Variants in STEAP1B observed in about 807,000 individuals in gnomAD.
STEAP1B encodes the protein STEAP family member 1B.
STEAP1B carries 13 observed loss-of-function variants against 27.9 expected under a neutral mutation model. The ratio of observed to expected loss-of-function variants is 0.47; its 90% CI spans 0.30 to 0.74. The LOEUF (loss-of-function observed/expected upper bound fraction) is 0.74, where lower values mean the gene tolerates loss of function less well. Among genes scored for constraint, STEAP1B ranks in the 30% least tolerant of loss-of-function variants. The probability of loss-of-function intolerance (pLI) is 0.06; values close to 1 mark genes in which losing one functional copy is unlikely to be tolerated. For missense variants in STEAP1B, 250 were observed against 298.7 expected (o/e 0.84, Z 1.20); for synonymous variants, 86 against 107.1 (o/e 0.80, Z 1.22).
intron 4 of STEAP1B, among the ~76,000 whole-genome samples, chr7:22,428,303 G>C (rs921432844): frequency 2.5e-4 from 38 of 152,218 alleles, no homozygotes; most frequent in African/African-American, 8.7e-4. Context: ...AAATAGACAA[G>C]TTCCCCAAAA....
At chr7:22,432,845 A>G (rs527453997) in intron 4 of STEAP1B, among the ~76,000 whole-genome samples, 1 of 152,206 alleles carries the variant, frequency 6.6e-6, no homozygotes, top group Non-Finnish European at 1.5e-5. Flanking sequence ...TACGGATTAC[A>G]TAGGTAAGCA....
chr7:22,469,175 C>G (rs1055004364), intron 4 of STEAP1B, among the ~76,000 whole-genome samples: 1 of 151,776 alleles, frequency 6.6e-6, no homozygotes, highest in Non-Finnish European at 1.5e-5. Context: ...CTGTGTAGGC[C>G]TAGGCCTATG....
chr7:22,430,426 G>T (rs531052893), intron 4 of STEAP1B, among the ~76,000 whole-genome samples: 13 of 152,158 alleles, frequency 8.5e-5, no homozygotes, highest in Admixed American at 1.3e-4. Flanking sequence ...TTAATCTTAC[G>T]ACTGAGGCAA....
In STEAP1B at chr7:22,443,189, C is replaced by T. The variant is rs1286383864; in HGVS notation, c.763-23353G>A. Among the ~76,000 whole-genome samples, 12 of 152,352 alleles carry T rather than the reference C, an allele frequency of 7.9e-5. No individual in the cohort carries two copies. The South Asian group carries it at 2.1e-3, about 26-fold the overall frequency. Reference sequence around the variant, plus strand: ...TGGAACAACTCTGTTCTACCATCTGCTTCTTGCAGGACCCAAACTGACATG... The same window carrying T: ...TGGAACAACTCTGTTCTACCATCTGTTTCTTGCAGGACCCAAACTGACATG... On this transcript the variant is annotated intron_variant, in intron 4 of 4. Transcript: ENST00000678116.
chr7:22,452,307 A>C (rs1448770295), intron 4 of STEAP1B, among the ~76,000 whole-genome samples: 1 of 152,104 alleles, frequency 6.6e-6, no homozygotes, highest in Non-Finnish European at 1.5e-5. Flanking sequence ...AACGCTCCTG[A>C]GACCCTCCAC....
chr7:22,446,094 G>T (rs1785405672), intron 4 of STEAP1B, among the ~76,000 whole-genome samples: 1 of 152,258 alleles, frequency 6.6e-6, no homozygotes, highest in African/African-American at 2.4e-5. Flanking sequence ...CTGCTGTGCA[G>T]TTGTCGTTCA....
intron 4 of STEAP1B, among the ~76,000 whole-genome samples, chr7:22,487,980 C>T (rs573258814): frequency 2.4e-4 from 36 of 152,208 alleles, no homozygotes; most frequent in Middle Eastern, 3.4e-3. Context: ...CCATCCACCC[C>T]ATAATAAAGG....
chr7:22,421,083 A>G (rs1030195625), intron 4 of STEAP1B, among the ~76,000 whole-genome samples: 1 of 152,216 alleles, frequency 6.6e-6, no homozygotes, highest in East Asian at 1.9e-4. Flanking sequence ...ATCCAACATC[A>G]GTTATGTCTG....
intron 4 of STEAP1B, among the ~76,000 whole-genome samples, chr7:22,420,224 A>G (rs933800898): frequency 3.0e-4 from 45 of 152,348 alleles, no homozygotes; most frequent in African/African-American, 9.9e-4. Context: ...TTGGGTAACA[A>G]AAGGATCTTT....
At chr7:22,496,188 G>GAA (rs60940096) in intron 1 of STEAP1B, among the ~76,000 whole-genome samples, 4 of 151,824 alleles carry the variant, frequency 2.6e-5, no homozygotes, top group South Asian at 2.1e-4. Context: ...AGTCTAAAAA[G>GAA]AAAAAAAATT....
At chr7:22,432,380 TA>T (rs1262270624) in intron 4 of STEAP1B, among the ~76,000 whole-genome samples, 1 of 104,808 alleles carries the variant, frequency 9.5e-6, no homozygotes, top group African/African-American at 3.2e-5. Flanking sequence ...ACCTAATAAA[TA>T]AATAAATAAA....
At chr7:22,499,929 C>G (rs1786507044) in intron 1 of STEAP1B, among the ~76,000 whole-genome samples, 185 bp downstream of exon 1, 1 of 152,238 alleles carries the variant, frequency 6.6e-6, no homozygotes, top group South Asian at 2.1e-4. Context: ...AGACAGGGCG[C>G]CCCAGAGCCG....
intron 4 of STEAP1B, among the ~76,000 whole-genome samples, chr7:22,463,621 G>A (rs1410356572): frequency 6.6e-6 from 1 of 152,098 alleles, no homozygotes; most frequent in Non-Finnish European, 1.5e-5. Context: ...TAGATCAATG[G>A]AACAAAACAG....
At chr7:22,427,600 G>A (rs2686490) in intron 4 of STEAP1B, among the ~76,000 whole-genome samples, 12 of 152,166 alleles carry the variant, frequency 7.9e-5, no homozygotes, top group Admixed American at 7.2e-4. Context: ...ATCTAAAGCC[G>A]TAAAAGGCTC....
rs770332010 is a variant in STEAP1B at position 22,493,732 on chromosome 7, G to A, written c.189C>T (p.His63=). 118 of 1,613,804 alleles carry A rather than the reference G, an allele frequency of 7.3e-5. No individual in the cohort carries two copies. Among genetic ancestry groups the A allele is most frequent in the Non-Finnish European group, 8.7e-5 (103 of 1,179,866 alleles). The stretch of plus-strand genomic sequence containing the variant: ...GCCACTGTGGAAAGAGTTCCTGTGC[G>A]TGCTGAAGTTCTGAAGGGCAGTCAA... ...DEFDCPSELQ[H]AQELFPQWHL... The change falls in exon 3 of 5, where the codon CAC becomes CAT. Residue 63 remains histidine (H), a synonymous_variant. Transcript: ENST00000678116.
rs147758549 is a variant in STEAP1B at position 22,461,365 on chromosome 7, C to T, written c.762+31200G>A. ...GCAACCTCTGCCTCCCGGGTTCAAG[C>T]GATTCTCCCTGCCTCAGCCTCCTGA... On this transcript the variant is annotated intron_variant, in intron 4 of 4. Transcript: ENST00000678116. Among the ~76,000 whole-genome samples, 532 of 152,210 alleles carry T rather than the reference C, an allele frequency of 3.5e-3. 1 individual carries two copies. The highest frequency in any genetic ancestry group is 0.012 in the African/African-American group (512 of 41,534).
intron 4 of STEAP1B, among the ~76,000 whole-genome samples, chr7:22,475,918 T>G (rs570443991): frequency 3.0e-4 from 45 of 152,326 alleles, no homozygotes; most frequent in Non-Finnish European, 5.1e-4. Flanking sequence ...GTTGCAGTTC[T>G]CCTGTCCAGC....
intron 1 of STEAP1B, among the ~76,000 whole-genome samples, chr7:22,498,028 G>A (rs1786471182): frequency 6.6e-6 from 1 of 152,114 alleles, no homozygotes. Context: ...ACACAACCTA[G>A]GTCCCTTGCA....
At chr7:22,458,530 T>C (rs987566524) in intron 4 of STEAP1B, among the ~76,000 whole-genome samples, 2 of 152,232 alleles carry the variant, frequency 1.3e-5, no homozygotes, top group African/African-American at 4.8e-5. Flanking sequence ...TGAATATTTA[T>C]ACCTCAGAGG....
Sources: gnomAD v4.1 joint callset for allele counts (sites outside exome capture counted in the v4.1 genomes callset) on GRCh38, gnomAD v4.1.1 for gene constraint, MANE v1.5 for transcripts, NCBI Gene and HGNC (gene_info 2026-07-23, HGNC 2026-07-21) for gene names.